Variants in AGAP1 observed in about 807,000 individuals in gnomAD.
The protein encoded by AGAP1 is ArfGAP with GTPase domain, ankyrin repeat and PH domain 1.
AGAP1 carries 29 observed loss-of-function variants against 105.3 expected under a neutral mutation model. The observed-to-expected ratio is 0.28, with a 90% CI of 0.21 to 0.38. The LOEUF is 0.38. Ranked by LOEUF, AGAP1 falls within the 10% of genes least tolerant of loss-of-function variation. The pLI is 1.00. For missense variants in AGAP1, 998 were observed against 1,165.1 expected, an observed-to-expected ratio of 0.86 and a Z score of 2.09; for synonymous variants, 509 against 485.9, an observed-to-expected ratio of 1.05 and a Z score of -0.63.
At chr2:235,890,939 G>C in intron 10 of AGAP1, among the ~76,000 whole-genome samples, 1 of 57,098 alleles carries the variant, frequency 1.8e-5, no homozygotes, top group African/African-American at 5.9e-5. Context: ...TAAAACTGAG[G>C]CTCAAAAAAA....
chr2:235,726,751 T>G (rs1183472243), intron 3 of AGAP1, among the ~76,000 whole-genome samples: 1 of 152,042 alleles, frequency 6.6e-6, no homozygotes, highest in African/African-American at 2.4e-5. Context: ...AATGCTCTTT[T>G]GGTTGCATGA....
At position 236,005,231 on chromosome 2, in the gene AGAP1, C is replaced by T. The variant is rs560150312; in HGVS notation, c.1646-31330C>T. ...GTGCAATCTTGGCTCTTGCAACCTC[C>T]GCCTCCCAGACTCAAGCGATTCTTG... On this transcript the variant is annotated intron_variant, in intron 13 of 17. Transcript: ENST00000304032. The surrounding 1 kb of genome is among the most constrained non-coding windows in gnomAD (Gnocchi z 4.1). Among the ~76,000 whole-genome samples, 33 of 152,224 alleles carry T rather than the reference C, an allele frequency of 2.2e-4. No individual in the cohort carries two copies. Among genetic ancestry groups the T allele is most frequent in the African/African-American group, 3.9e-4 (16 of 41,540 alleles).
chr2:235,862,657 A>C (rs891990950), intron 9 of AGAP1, among the ~76,000 whole-genome samples: 1 of 152,228 alleles, frequency 6.6e-6, no homozygotes, highest in Non-Finnish European at 1.5e-5. Context: ...TTGTCTGCAT[A>C]AACCTTTTTC....
intron 1 of AGAP1, among the ~76,000 whole-genome samples, chr2:235,641,646 A>C (rs1490742548): frequency 6.6e-6 from 1 of 152,032 alleles, no homozygotes; most frequent in Non-Finnish European, 1.5e-5. Context: ...TTTCCCCCCC[A>C]CATACGTTCA....
intron 6 of AGAP1, among the ~76,000 whole-genome samples, chr2:235,755,266 A>G (rs115888952): frequency 0.017 from 2,519 of 152,216 alleles, 71 homozygotes; most frequent in African/African-American, 0.058. Flanking sequence ...GAAATAACCT[A>G]TATACAAGTT....
intron 1 of AGAP1, among the ~76,000 whole-genome samples, chr2:235,579,077 C>G (rs1376633938): frequency 6.6e-6 from 1 of 152,200 alleles, no homozygotes; most frequent in African/African-American, 2.4e-5. Context: ...ACCAAATTAT[C>G]ACCATGAAGC....
rs1338570780 is a variant in AGAP1 at position 235,908,400 on chromosome 2, G to A, written c.1156-338G>A. Among the ~76,000 whole-genome samples the A allele has an allele frequency of 6.6e-6, 1 of 152,174 alleles. No homozygotes were observed. Among genetic ancestry groups the A allele is most frequent in the Non-Finnish European group, 1.5e-5 (1 of 68,040 alleles). ...GGAATTTTACTTGGAATTTATAGGAGGAGCCTAATGTACCCTCTGATAAGC... is the reference window on the plus strand; with the variant it reads ...GGAATTTTACTTGGAATTTATAGGAAGAGCCTAATGTACCCTCTGATAAGC... On this transcript the variant is annotated intron_variant, in intron 10 of 17. Transcript: ENST00000304032. The surrounding 1 kb of genome is among the most constrained non-coding windows in gnomAD (Gnocchi z 4.4).
chr2:235,534,393 CT>C (rs1943142212), intron 1 of AGAP1, among the ~76,000 whole-genome samples: 1 of 152,160 alleles, frequency 6.6e-6, no homozygotes, highest in Non-Finnish European at 1.5e-5. Context: ...CAGCATCCAT[CT>C]GAGGACTCAT....
chr2:236,031,024 G>A (rs1360255409), intron 13 of AGAP1, among the ~76,000 whole-genome samples: 1 of 152,134 alleles, frequency 6.6e-6, no homozygotes, highest in Non-Finnish European at 1.5e-5. Context: ...ACCCCAAGAG[G>A]AGCATTTGAA....
Position 235,883,080 on chromosome 2 carries a change from C to A in AGAP1, c.1051-265C>A, listed in dbSNP as rs2050112094. Among the ~76,000 whole-genome samples, 1 of 152,086 alleles carries A rather than the reference C, an allele frequency of 6.6e-6. No individual in the cohort carries two copies. Among genetic ancestry groups the A allele is most frequent in the Non-Finnish European group, 1.5e-5 (1 of 68,032 alleles). ...CAAACGATCCTTACACCGTGCCCAGCCTGGGGTTTCTTTCTTTAAAACATT... is the reference window on the plus strand; with the variant it reads ...CAAACGATCCTTACACCGTGCCCAGACTGGGGTTTCTTTCTTTAAAACATT... On this transcript the variant is annotated intron_variant, in intron 9 of 17. Transcript: ENST00000304032. This position sits in a 1 kb window ranked among gnomAD's most constrained non-coding sequence, Gnocchi z 4.5.
In AGAP1 at chr2:235,864,613, TGTCGTCCCTGAA is replaced by T. The variant is rs1416321229; in HGVS notation, c.1051-18731_1051-18720del. Among the ~76,000 whole-genome samples, 1 of 151,918 alleles carries T rather than the reference TGTCGTCCCTGAA, an allele frequency of 6.6e-6. No homozygotes were observed. Among genetic ancestry groups the T allele is most frequent in the Non-Finnish European group, 1.5e-5 (1 of 67,988 alleles). On this transcript the variant is annotated intron_variant, in intron 9 of 17. Coordinates refer to ENST00000304032, the MANE Select transcript of AGAP1 (RefSeq NM_001037131.3). This position sits in a 1 kb window ranked among gnomAD's most constrained non-coding sequence, Gnocchi z 5.0. ...TAAGTGCAGATACTGTCGTCCCTGG[TGTCGTCCCTGAA>T]AATCTTGTGACAGGGAGAGACAGAG... is the stretch of plus-strand genomic sequence containing the variant.
At position 236,102,132 on chromosome 2, in the gene AGAP1, A is replaced by G. The variant is rs185270406; in HGVS notation, c.2115-18060A>G. 1.9e-3 allele frequency among the ~76,000 whole-genome samples: 283 copies of G among 152,020 alleles called. 1 individual carries two copies. Among genetic ancestry groups the G allele is most frequent in the African/African-American group, 5.9e-3 (243 of 41,486 alleles). On this transcript the variant is annotated intron_variant, in intron 16 of 17. Coordinates refer to ENST00000304032, the MANE Select transcript of AGAP1 (RefSeq NM_001037131.3). ...CCCCGTCTCTACTAAAAATACAAAA[A>G]TTAGGCCGGGCGCGGTGGCTCACGC...
chr2:235,962,238 G>A lies in AGAP1; in HGVS notation c.1484-6224G>A, dbSNP rs1003793484. Reference sequence around the variant, plus strand: ...TGAAGGGCAGGCCAGAGGCCACTGAGGGGTACACTGACCACACAGAGGAGG... The same window carrying A: ...TGAAGGGCAGGCCAGAGGCCACTGAAGGGTACACTGACCACACAGAGGAGG... On this transcript the variant is annotated intron_variant, in intron 12 of 17. Transcript: ENST00000304032. The surrounding 1 kb of genome is among the most constrained non-coding windows in gnomAD (Gnocchi z 5.3). 6.6e-6 allele frequency among the ~76,000 whole-genome samples: 1 copy of A among 152,078 alleles called. No individual in the cohort carries two copies. Among genetic ancestry groups the A allele is most frequent in the Non-Finnish European group, 1.5e-5 (1 of 68,018 alleles).
intron 6 of AGAP1, among the ~76,000 whole-genome samples, chr2:235,771,979 T>G (rs1184593174): frequency 1.4e-5 from 2 of 146,972 alleles, no homozygotes; most frequent in African/African-American, 2.6e-5. Flanking sequence ...TCTTGTTTCT[T>G]TTTTTTTTTC....
intron 9 of AGAP1, among the ~76,000 whole-genome samples, chr2:235,833,504 A>C (rs1959709395): frequency 6.6e-6 from 1 of 150,960 alleles, no homozygotes; most frequent in Admixed American, 6.6e-5. Context: ...CCCACTCTCC[A>C]AGGCCCTCAT....
chr2:235,670,641 TG>T, intron 1 of AGAP1: 1 of 629,076 alleles, frequency 1.6e-6, no homozygotes, highest in Non-Finnish European at 2.8e-6. Flanking sequence ...TCCGGGAGCC[TG>T]GCCTGGGCGC....
chr2:235,882,196 A>G lies in AGAP1; in HGVS notation c.1051-1149A>G, dbSNP rs1420118648. ...CTGGGGCAAACCAGAGAATTTGGCAATCTGATTGGGGGTGGTCCTTCAGAG... is the reference window on the plus strand; with the variant it reads ...CTGGGGCAAACCAGAGAATTTGGCAGTCTGATTGGGGGTGGTCCTTCAGAG... On this transcript the variant is annotated intron_variant, in intron 9 of 17. Transcript: ENST00000304032. The surrounding 1 kb of genome is among the most constrained non-coding windows in gnomAD (Gnocchi z 4.6). Among the ~76,000 whole-genome samples, 5 of 152,090 alleles carry G rather than the reference A, an allele frequency of 3.3e-5. No homozygotes were observed. The highest frequency in any genetic ancestry group is 1.9e-4 in the East Asian group (1 of 5,174).
chr2:235,674,076 G>GC (rs1948589903), intron 1 of AGAP1, among the ~76,000 whole-genome samples: 1 of 152,224 alleles, frequency 6.6e-6, no homozygotes, highest in African/African-American at 2.4e-5. Context: ...AAGGATTGGA[G>GC]CACCTACCTT....
At chr2:236,028,629 GT>G (rs2057129428) in intron 13 of AGAP1, among the ~76,000 whole-genome samples, 1 of 152,078 alleles carries the variant, frequency 6.6e-6, no homozygotes, top group African/African-American at 2.4e-5. Flanking sequence ...GTGATTTGGG[GT>G]TTTCTATGAA....
Sources: gnomAD v4.1 joint callset for allele counts (sites outside exome capture counted in the v4.1 genomes callset) on GRCh38, gnomAD v4.1.1 for gene constraint, Gnocchi (gnomAD v3.1) non-coding constraint, MANE v1.5 for transcripts, NCBI Gene and HGNC (gene_info 2026-07-23, HGNC 2026-07-21) for gene names.